DENND1B: variants seen among roughly 807,000 people sequenced by gnomAD.
DENND1B encodes DENN domain containing 1B, also known as DENN domain-containing protein 1B.
A neutral mutation model predicts 90.1 loss-of-function variants in DENND1B; 59 were observed. The observed-to-expected ratio is 0.65, with a 90% CI of 0.53 to 0.81. The LOEUF (loss-of-function observed/expected upper bound fraction) is 0.81. DENND1B is among the 40% of genes least tolerant of loss of function. The pLI, the probability that DENND1B is intolerant of heterozygous loss-of-function variation, is 0.00. For synonymous variants in DENND1B, 337 were observed against 324.6 expected (o/e 1.04, Z -0.41); for missense variants, 862 against 912.6 (o/e 0.94, Z 0.71).
chr1:197,682,435 C>T (rs575379173), intron 3 of DENND1B, among the ~76,000 whole-genome samples: 77 of 152,268 alleles, frequency 5.1e-4, no homozygotes, highest in African/African-American at 1.6e-3. Context: ...CAGTTCCACT[C>T]ATATATTTAC....
chr1:197,604,924 A>G (rs1162689927), intron 13 of DENND1B, among the ~76,000 whole-genome samples: 1 of 151,128 alleles, frequency 6.6e-6, no homozygotes, highest in Non-Finnish European at 1.5e-5. Flanking sequence ...TTTATTAGAA[A>G]TGGGTTCTAA....
chr1:197,504,834 T>C lies in DENND1B; in HGVS notation c.*5626A>G, dbSNP rs965257105. ...TTTATTCAATATTTATTTTTGCATA[T>C]TTTTAAAAAAATTCCCAAAGCGATG... On this transcript the variant is annotated 3_prime_UTR_variant, in exon 23 of 23. Coordinates refer to ENST00000620048, the MANE Select transcript of DENND1B (RefSeq NM_001195215.2). 28 of 151,870 alleles carry C rather than the reference T, an allele frequency of 1.8e-4. No individual in the cohort carries two copies. The highest frequency in any genetic ancestry group is 6.3e-4 in the African/African-American group (26 of 41,490). 9.4% of individuals were successfully genotyped at this position (151,870 alleles called of 1,614,324 possible).
intron 2 of DENND1B, among the ~76,000 whole-genome samples, chr1:197,750,738 A>G (rs1007322116): frequency 4.6e-5 from 7 of 152,162 alleles, no homozygotes; most frequent in African/African-American, 1.7e-4. Flanking sequence ...GACAAAAAGC[A>G]TCACAAGCAA....
At position 197,508,594 on chromosome 1, in the gene DENND1B, T is replaced by C. The variant is rs1413792112; in HGVS notation, c.*1866A>G. 6.6e-6 allele frequency: 1 copy of C among 151,740 alleles called. No homozygotes were observed. Among genetic ancestry groups the C allele is most frequent in the African/African-American group, 2.4e-5 (1 of 41,396 alleles). 9.4% of individuals were successfully genotyped at this position (151,740 alleles called of 1,614,324 possible). On this transcript the variant is annotated 3_prime_UTR_variant, in exon 23 of 23. Transcript: ENST00000620048. ...TTTTAAAAAAACTTGGTCATTTTCT[T>C]TAAATTATTTCAAACCCTCTTCTAG...
At chr1:197,629,533 C>T (rs301502) in intron 10 of DENND1B, among the ~76,000 whole-genome samples, 2 of 58,246 alleles carry the variant, frequency 3.4e-5, no homozygotes, top group East Asian at 7.9e-4. Context: ...GTTGTGGGGT[C>T]GGGGGAGGGG....
chr1:197,745,671 A>C (rs1663671748), intron 2 of DENND1B, among the ~76,000 whole-genome samples: 1 of 148,556 alleles, frequency 6.7e-6, no homozygotes, highest in Non-Finnish European at 1.5e-5. Context: ...AATTTTTAGA[A>C]GGTTCAAAGT....
At chr1:197,604,387 T>C (rs1163454669) in intron 13 of DENND1B, among the ~76,000 whole-genome samples, 1 of 151,270 alleles carries the variant, frequency 6.6e-6, no homozygotes, top group Non-Finnish European at 1.5e-5. Context: ...GGCATGGTAG[T>C]ATTTCTAACA....
At chr1:197,539,877 T>G (rs1670202909) in intron 20 of DENND1B, 87 bp downstream of exon 20, 5 of 1,119,166 alleles carry the variant, frequency 4.5e-6, no homozygotes, top group Admixed American at 2.3e-5. Context: ...GATAAAAAAT[T>G]AGTGGATCCA....
At chr1:197,588,646 C>T (rs1029895108) in intron 14 of DENND1B, among the ~76,000 whole-genome samples, 17 of 152,190 alleles carry the variant, frequency 1.1e-4, no homozygotes, top group African/African-American at 2.9e-4. Context: ...ATCTGAAAGA[C>T]TCTGCTGTCA....
At position 197,701,787 on chromosome 1, in the gene DENND1B, G is replaced by A. The variant is rs114380043; in HGVS notation, c.126+13244C>T. On this transcript the variant is annotated intron_variant, in intron 3 of 22. Transcript: ENST00000620048. ...CTAGAGCTACATGCTAATTGCCTAGGCTATGTTCATTTGTTTAAAATTTGG... is the reference window on the plus strand; with the variant it reads ...CTAGAGCTACATGCTAATTGCCTAGACTATGTTCATTTGTTTAAAATTTGG... Among the ~76,000 whole-genome samples the A allele has an allele frequency of 5.8e-3, 877 of 151,914 alleles. 9 individuals carry two copies. The highest frequency in any genetic ancestry group is 0.02 in the African/African-American group (811 of 41,432).
At chr1:197,664,988 C>A (rs1219744505) in intron 5 of DENND1B, among the ~76,000 whole-genome samples, 4 of 152,008 alleles carry the variant, frequency 2.6e-5, no homozygotes, top group African/African-American at 4.8e-5. Flanking sequence ...TTATTTCTTG[C>A]ATTTTTGCTA....
At chr1:197,727,963 T>C (rs116252612) in intron 2 of DENND1B, among the ~76,000 whole-genome samples, 2,541 of 152,264 alleles carry the variant, frequency 0.017, 39 homozygotes, top group Middle Eastern at 0.037. Flanking sequence ...CTTTTCTCTC[T>C]TGTTGAAGAG....
chr1:197,611,190 C>T (rs1677152965), intron 12 of DENND1B, among the ~76,000 whole-genome samples: 1 of 150,780 alleles, frequency 6.6e-6, no homozygotes, highest in Non-Finnish European at 1.5e-5. Flanking sequence ...CTGAATAAAA[C>T]TGATAGCATC....
chr1:197,541,137 A>G, intron 18 of DENND1B, 122 bp from the exon 19 acceptor site: 1 of 883,926 alleles, frequency 1.1e-6, no homozygotes, highest in Non-Finnish European at 1.8e-6. Context: ...AAAAGAACAG[A>G]TTATAATCTA....
At chr1:197,768,835 C>T (rs550532253) in intron 2 of DENND1B, among the ~76,000 whole-genome samples, 2 of 151,770 alleles carry the variant, frequency 1.3e-5, no homozygotes, top group Non-Finnish European at 2.9e-5. Context: ...AAGCTATTTT[C>T]CAGAATGTTC....
intron 3 of DENND1B, chr1:197,689,002 G>T: frequency 4.6e-6 from 1 of 215,392 alleles, no homozygotes; most frequent in South Asian, 8.1e-5. Flanking sequence ...GGGAATCTGA[G>T]ACCACCAAAT....
At chr1:197,645,592 G>A in intron 9 of DENND1B, 98 bp downstream of exon 9, 1 of 552,284 alleles carries the variant, frequency 1.8e-6, no homozygotes, top group East Asian at 3.4e-5. Context: ...TAATTACAAT[G>A]TATCCTATTT....
intron 3 of DENND1B, among the ~76,000 whole-genome samples, chr1:197,702,760 G>C (rs1411127371): frequency 6.6e-6 from 1 of 152,126 alleles, no homozygotes; most frequent in Non-Finnish European, 1.5e-5. Flanking sequence ...GCTTGTGTAT[G>C]ACTGAAAGTT....
At chr1:197,577,523 C>G (rs1673792188) in intron 15 of DENND1B, among the ~76,000 whole-genome samples, 1 of 152,052 alleles carries the variant, frequency 6.6e-6, no homozygotes, top group Non-Finnish European at 1.5e-5. Flanking sequence ...TGCCGTGGTC[C>G]TTAGCCATGG....
Sources: gnomAD v4.1 joint callset for allele counts (sites outside exome capture counted in the v4.1 genomes callset) on GRCh38, gnomAD v4.1.1 for gene constraint, MANE v1.5 for transcripts, NCBI Gene and HGNC (gene_info 2026-07-23, HGNC 2026-07-21) for gene names.